The following DNAH14 variants were observed in gnomAD, a reference collection of about 807,000 sequenced individuals.
DNAH14 encodes the protein dynein axonemal heavy chain 14.
DNAH14 carries 478 observed loss-of-function variants against 520.9 expected under a neutral mutation model. The ratio of observed to expected loss-of-function variants is 0.92; its 90% CI spans 0.85 to 0.99. The LOEUF (loss-of-function observed/expected upper bound fraction) is 0.99, where lower values mean the gene tolerates loss of function less well. Among genes scored for constraint, DNAH14 ranks in the 50% least tolerant of loss-of-function variants. DNAH14 has a pLI of 0.00. For missense variants in DNAH14, 4,831 were observed against 5,234.5 expected (o/e 0.92, Z 2.38); for synonymous variants, 1,581 against 1,757.2 (o/e 0.90, Z 2.51).
intron 17 of DNAH14, among the ~76,000 whole-genome samples, chr1:225,054,831 T>C (rs1407524257): frequency 6.6e-6 from 1 of 152,174 alleles, no homozygotes; most frequent in Admixed American, 6.5e-5. Flanking sequence ...TTGCTTTATT[T>C]TTTATATTCT....
At chr1:225,210,528 A>G (rs2088233225) in intron 41 of DNAH14, among the ~76,000 whole-genome samples, 1 of 150,822 alleles carries the variant, frequency 6.6e-6, no homozygotes, top group South Asian at 2.1e-4. Context: ...CTTATAGATA[A>G]AACTCCCATC....
At chr1:224,945,842 C>T (rs2059780453) in intron 1 of DNAH14, among the ~76,000 whole-genome samples, 1 of 152,410 alleles carries the variant, frequency 6.6e-6, no homozygotes, top group East Asian at 1.9e-4. Context: ...CCTGATCGTT[C>T]CTCTGGAAGT....
At chr1:224,964,402 T>C (rs1047753097) in intron 4 of DNAH14, 77 bp from the exon 5 acceptor site, 18 of 1,383,774 alleles carry the variant, frequency 1.3e-5, no homozygotes, top group Non-Finnish European at 1.5e-5. Flanking sequence ...TATAGAAATA[T>C]TTGTAATATT....
At chr1:225,254,115 A>G (rs1466745033) in intron 44 of DNAH14, among the ~76,000 whole-genome samples, 1 of 152,042 alleles carries the variant, frequency 6.6e-6, no homozygotes, top group Non-Finnish European at 1.5e-5. Flanking sequence ...TGAAACCTAA[A>G]GCAACCACCA....
chr1:225,016,797 A>C (rs187582584), intron 10 of DNAH14, among the ~76,000 whole-genome samples: 1 of 150,824 alleles, frequency 6.6e-6, no homozygotes, highest in African/African-American at 2.4e-5. Flanking sequence ...TCAGGTTCAG[A>C]AATTTTCTTC....
At chr1:224,975,241 A>G (rs1328443342) in intron 8 of DNAH14, among the ~76,000 whole-genome samples, 2 of 152,236 alleles carry the variant, frequency 1.3e-5, no homozygotes, top group African/African-American at 2.4e-5. Flanking sequence ...CTGGCCTCAT[A>G]AAATGAATTA....
At chr1:224,944,018 G>A (rs572116549) in intron 1 of DNAH14, among the ~76,000 whole-genome samples, 1 of 152,224 alleles carries the variant, frequency 6.6e-6, no homozygotes, top group East Asian at 1.9e-4. Flanking sequence ...GGTCCACTTG[G>A]TGCAGAGCTG....
rs1293911979 is a variant in DNAH14, at chr1:225,159,940, G to T, written c.5445+455G>T. On this transcript the variant is annotated intron_variant, in intron 35 of 85. Coordinates refer to ENST00000682510, the MANE Select transcript of DNAH14 (RefSeq NM_001367479.1). ...CCTCACAGTCATTGCCTTAATCTAGGTAAGAACTCAATGTCTCTTGTTAAT... is the reference window on the plus strand; with the variant it reads ...CCTCACAGTCATTGCCTTAATCTAGTTAAGAACTCAATGTCTCTTGTTAAT... Among the ~76,000 whole-genome samples the T allele has an allele frequency of 2.6e-5, 4 of 151,890 alleles. No individual in the cohort carries two copies. The East Asian group carries it at 7.7e-4, about 29-fold the overall frequency.
chr1:225,139,965 G>A (rs564186334), intron 27 of DNAH14, among the ~76,000 whole-genome samples: 1 of 152,246 alleles, frequency 6.6e-6, no homozygotes, highest in African/African-American at 2.4e-5. Flanking sequence ...CATTTCTGTT[G>A]CATGTAACCA....
intron 42 of DNAH14, among the ~76,000 whole-genome samples, chr1:225,236,025 C>CT (rs2091554553): frequency 6.6e-6 from 1 of 152,158 alleles, no homozygotes; most frequent in Non-Finnish European, 1.5e-5. Context: ...TTTCATGTCT[C>CT]TATCTCCTTC....
intron 23 of DNAH14, among the ~76,000 whole-genome samples, chr1:225,106,874 T>C (rs2076101928): frequency 6.6e-6 from 1 of 152,214 alleles, no homozygotes; most frequent in African/African-American, 2.4e-5. Context: ...CCTTCTTCTC[T>C]CAACTCGTCA....
chr1:225,313,722 T>C (rs1000549540), intron 60 of DNAH14, among the ~76,000 whole-genome samples: 12 of 152,194 alleles, frequency 7.9e-5, no homozygotes, highest in Non-Finnish European at 1.8e-4. Flanking sequence ...CAGGAGCAGG[T>C]TGTTCAGTTT....
rs79426340 is a variant in DNAH14, at chr1:225,348,743, A to G, written c.11296+2089A>G. On this transcript the variant is annotated intron_variant, in intron 71 of 85. Coordinates refer to ENST00000682510, the MANE Select transcript of DNAH14 (RefSeq NM_001367479.1). ...TAAAGAAACTCCTTTAAGTTGAAGC[A>G]AAAGGATAATACACAGTAACATGAA... 4.7e-3 allele frequency among the ~76,000 whole-genome samples: 712 copies of G among 152,348 alleles called. 5 individuals are homozygous for G. Among genetic ancestry groups the G allele is most frequent in the African/African-American group, 0.016 (648 of 41,590 alleles).
chr1:225,092,887 A>G (rs1379597716), intron 21 of DNAH14, among the ~76,000 whole-genome samples: 4 of 152,152 alleles, frequency 2.6e-5, no homozygotes, highest in African/African-American at 7.2e-5. Flanking sequence ...AGAGACTACT[A>G]TGAACACCGC....
At chr1:225,118,968 A>G (rs2077089154) in intron 25 of DNAH14, among the ~76,000 whole-genome samples, 1 of 152,004 alleles carries the variant, frequency 6.6e-6, no homozygotes, top group South Asian at 2.1e-4. Context: ...TATCTTGTAA[A>G]TACCATTTTA....
intron 53 of DNAH14, among the ~76,000 whole-genome samples, chr1:225,276,837 C>T (rs2093479484): frequency 6.6e-6 from 1 of 150,722 alleles, no homozygotes; most frequent in South Asian, 2.1e-4. Flanking sequence ...AAGAGGATTG[C>T]TTGAGCCCAG....
chr1:224,951,944 T>C (rs1348768409), intron 1 of DNAH14, among the ~76,000 whole-genome samples: 5 of 152,214 alleles, frequency 3.3e-5, no homozygotes, highest in African/African-American at 1.2e-4. Flanking sequence ...CGGCTGGCAT[T>C]TCTATTCTAG....
At chr1:224,986,954 T>C (rs1158371305) in intron 8 of DNAH14, among the ~76,000 whole-genome samples, 2 of 152,210 alleles carry the variant, frequency 1.3e-5, no homozygotes, top group African/African-American at 4.8e-5. Context: ...TAAAAATCTA[T>C]TTGAATTAAT....
At chr1:225,313,066 T>G (rs1052070964) in intron 60 of DNAH14, among the ~76,000 whole-genome samples, 3 of 152,244 alleles carry the variant, frequency 2.0e-5, no homozygotes, top group Non-Finnish European at 4.4e-5. Flanking sequence ...TTAATCCATC[T>G]GGTCCTGGGC....
Sources: gnomAD v4.1 joint callset for allele counts (sites outside exome capture counted in the v4.1 genomes callset) on GRCh38, gnomAD v4.1.1 for gene constraint, MANE v1.5 for transcripts, NCBI Gene and HGNC (gene_info 2026-07-23, HGNC 2026-07-21) for gene names.